The following GPLD1 variants were observed in gnomAD, a reference collection of about 807,000 sequenced individuals.
GPLD1 encodes phosphatidylinositol-glycan-specific phospholipase D.
A neutral mutation model predicts 112.6 loss-of-function variants in GPLD1; 84 were observed. That is an observed-to-expected ratio of 0.75 (90% CI 0.63 to 0.89). The LOEUF (loss-of-function observed/expected upper bound fraction) is 0.89, where lower values mean the gene tolerates loss of function less well. Among genes scored for constraint, GPLD1 ranks in the 40% least tolerant of loss-of-function variants. GPLD1 has a pLI of 0.00. For missense variants in GPLD1, 1,044 were observed against 1,051.5 expected (o/e 0.99, Z 0.10); for synonymous variants, 386 against 403.8 (o/e 0.96, Z 0.53).
chr6:24,433,468 TATACCCTC>T (rs1180912407), intron 22 of GPLD1, 79 bp from the exon 23 acceptor site: 1 of 909,258 alleles, frequency 1.1e-6, no homozygotes, highest in African/African-American at 1.7e-5. Flanking sequence ...ATTATACCCT[TATACCCTC>T]ATTTCTACTT....
At chr6:24,469,788 AT>A (rs2127357287) in intron 7 of GPLD1, among the ~76,000 whole-genome samples, 1 of 151,920 alleles carries the variant, frequency 6.6e-6, no homozygotes. Flanking sequence ...TAAAAAAAAA[AT>A]CCTCAGAATA....
At chr6:24,465,473 G>A (rs965478275) in intron 10 of GPLD1, among the ~76,000 whole-genome samples, 3 of 152,102 alleles carry the variant, frequency 2.0e-5, no homozygotes, top group African/African-American at 4.8e-5. Flanking sequence ...CCAGGAGGTG[G>A]AGGTTGTAGC....
intron 13 of GPLD1, among the ~76,000 whole-genome samples, chr6:24,455,871 T>TA (rs1244346162): frequency 6.6e-6 from 1 of 152,206 alleles, no homozygotes; most frequent in Non-Finnish European, 1.5e-5. Flanking sequence ...TACAATAACT[T>TA]AACCATTAAA....
chr6:24,490,662 G>A (rs1479540086), upstream of GPLD1, among the ~76,000 whole-genome samples: 1 of 151,936 alleles, frequency 6.6e-6, no homozygotes, highest in African/African-American at 2.4e-5. Flanking sequence ...TGAGGTGGGA[G>A]GATCTCTTGA....
intron 3 of GPLD1, among the ~76,000 whole-genome samples, chr6:24,479,188 A>G (rs1764118997): frequency 6.6e-6 from 1 of 151,928 alleles, no homozygotes; most frequent in Admixed American, 6.6e-5. Context: ...CTCCCCTCCA[A>G]CTAGAGACAT....
chr6:24,463,200 T>A (rs1453545234), intron 10 of GPLD1, among the ~76,000 whole-genome samples: 6 of 148,894 alleles, frequency 4.0e-5, no homozygotes, highest in Non-Finnish European at 7.4e-5. Context: ...TTAAAAAAAA[T>A]TCCATAATTT....
rs370138278 is a variant in GPLD1, at chr6:24,466,444, GTCTC to G, written c.821+232_821+235del. Among the ~76,000 whole-genome samples the G allele has an allele frequency of 2.8e-3, 430 of 152,328 alleles. 2 individuals are homozygous for G. The highest frequency in any genetic ancestry group is 0.022 in the South Asian group (106 of 4,826). On this transcript the variant is annotated intron_variant, in intron 10 of 24. Transcript: ENST00000230036. ...ACAGACCCCAAATATTGCAATAACT[GTCTC>G]TCTATTTCTAAAACACGAGCAGCAT...
At chr6:24,474,349 G>A (rs1763938437) in intron 5 of GPLD1, among the ~76,000 whole-genome samples, 2 of 151,974 alleles carry the variant, frequency 1.3e-5, no homozygotes, top group African/African-American at 2.4e-5. Context: ...AAGGACCAGG[G>A]GGCCTTCCAG....
chr6:24,460,994 C>T (rs1282798892), intron 11 of GPLD1, among the ~76,000 whole-genome samples: 8 of 152,116 alleles, frequency 5.3e-5, no homozygotes, highest in African/African-American at 1.2e-4. Context: ...CCACCTGCCT[C>T]GGTCTCCCAA....
chr6:24,490,580 C>T (rs143718371), upstream of GPLD1, among the ~76,000 whole-genome samples: 580 of 151,966 alleles, frequency 3.8e-3, 1 homozygote, highest in African/African-American at 0.013. Flanking sequence ...GTGAAGACCC[C>T]GTCTCTACTA....
At chr6:24,474,909 C>A (rs1385772018) in intron 5 of GPLD1, among the ~76,000 whole-genome samples, 1 of 149,580 alleles carries the variant, frequency 6.7e-6, no homozygotes, top group Non-Finnish European at 1.5e-5. Flanking sequence ...CTTCGCACCA[C>A]TGCATTCCAG....
intron 20 of GPLD1, among the ~76,000 whole-genome samples, chr6:24,441,642 A>G (rs1762749310): frequency 6.6e-6 from 1 of 152,244 alleles, no homozygotes; most frequent in African/African-American, 2.4e-5. Context: ...CCTGATTCCA[A>G]GACTTGAAAA....
chr6:24,452,742 C>T (rs1278481371), intron 14 of GPLD1, among the ~76,000 whole-genome samples: 1 of 149,566 alleles, frequency 6.7e-6, no homozygotes, highest in Non-Finnish European at 1.5e-5. Context: ...TGCCACTGCA[C>T]TCCAGTCTGG....
chr6:24,440,723 TA>T (rs34313464), intron 20 of GPLD1, among the ~76,000 whole-genome samples: 58,393 of 139,436 alleles, frequency 0.42, 12,511 homozygotes, highest in East Asian at 0.73. Flanking sequence ...CTCCAACTAT[TA>T]AAAAAAAAAA....
intron 7 of GPLD1, among the ~76,000 whole-genome samples, chr6:24,468,613 G>A (rs117451855): frequency 0.092 from 13,940 of 151,420 alleles, 874 homozygotes; most frequent in South Asian, 0.15. Flanking sequence ...GAGTGCAGTG[G>A]TGCGATATCG....
intron 13 of GPLD1, 34 bp downstream of exon 13, chr6:24,456,464 A>C: frequency 7.1e-7 from 1 of 1,403,176 alleles, no homozygotes; most frequent in Non-Finnish European, 9.9e-7. Context: ...AATACTGAAG[A>C]AAACATTCAC....
chr6:24,485,194 AG>A (rs1764329310), intron 2 of GPLD1, among the ~76,000 whole-genome samples: 1 of 152,222 alleles, frequency 6.6e-6, no homozygotes, highest in Non-Finnish European at 1.5e-5. Context: ...CACAGTAACA[AG>A]AAGTGGAAAA....
chr6:24,470,516 C>T (rs1250230429), intron 7 of GPLD1, among the ~76,000 whole-genome samples: 1 of 152,080 alleles, frequency 6.6e-6, no homozygotes, highest in Non-Finnish European at 1.5e-5. Flanking sequence ...AGTAGATAAA[C>T]CTGATAAAAA....
rs982368602 is a variant in GPLD1, at chr6:24,437,338, C to T, written c.2021-49G>A. Reference sequence around the variant, plus strand: ...TGGCCTCACAGAAAGGAAGGCATTACAGAACACGGAATAGCACCCCATCCT... The same window carrying T: ...TGGCCTCACAGAAAGGAAGGCATTATAGAACACGGAATAGCACCCCATCCT... On this transcript the variant is annotated intron_variant, in intron 20 of 24. Coordinates refer to ENST00000230036, the MANE Select transcript of GPLD1 (RefSeq NM_001503.4). 4 of 1,554,766 alleles carry T rather than the reference C, an allele frequency of 2.6e-6. No homozygotes were observed. The African/African-American group carries it at 5.4e-5, about 21-fold the overall frequency.
Sources: allele counts gnomAD v4.1 joint callset (sites outside exome capture counted in the v4.1 genomes callset), GRCh38; gene constraint gnomAD v4.1.1; transcripts MANE v1.5; gene names NCBI Gene and HGNC (gene_info 2026-07-23, HGNC 2026-07-21).